MYRIP: variants seen among roughly 807,000 people sequenced by gnomAD.
MYRIP encodes the protein rab effector MyRIP.
In MYRIP, 49 loss-of-function variants were observed where a neutral mutation model predicts 98.0. That is an observed-to-expected ratio of 0.50 (90% CI 0.40 to 0.63). MYRIP has a LOEUF of 0.63. Among genes scored for constraint, MYRIP ranks in the 30% least tolerant of loss-of-function variants. MYRIP has a pLI of 0.00. For missense variants in MYRIP, 1,004 were observed against 1,058.2 expected, an observed-to-expected ratio of 0.95 and a Z score of 0.71; for synonymous variants, 404 against 409.5, an observed-to-expected ratio of 0.99 and a Z score of 0.16.
chr3:39,848,392 G>C (rs1464363397), intron 1 of MYRIP, among the ~76,000 whole-genome samples: 1 of 152,166 alleles, frequency 6.6e-6, no homozygotes, highest in Admixed American at 6.5e-5. Context: ...AGAGTTCTGT[G>C]TTCCCCTTTA....
intron 1 of MYRIP, among the ~76,000 whole-genome samples, chr3:39,835,642 G>A (rs750371052): frequency 5.0e-4 from 76 of 151,970 alleles, no homozygotes; most frequent in Non-Finnish European, 9.0e-4. Context: ...TGTGCAGAAC[G>A]TGCAGGTTTG....
chr3:40,226,565 G>T (rs1358537281), intron 11 of MYRIP, among the ~76,000 whole-genome samples: 1 of 152,118 alleles, frequency 6.6e-6, no homozygotes, highest in Non-Finnish European at 1.5e-5. Context: ...TGAAGCACAG[G>T]TCTCTCCTGC....
At chr3:40,120,679 C>A (rs1248827734) in intron 3 of MYRIP, among the ~76,000 whole-genome samples, 4 of 152,094 alleles carry the variant, frequency 2.6e-5, no homozygotes, top group Admixed American at 6.5e-5. Context: ...GTTCCCAGAT[C>A]ACACAGATTA....
rs546470592 is a variant in MYRIP, at chr3:40,070,107, A to G, written c.332+25836A>G. On this transcript the variant is annotated intron_variant, in intron 3 of 16. Coordinates refer to ENST00000302541, the MANE Select transcript of MYRIP (RefSeq NM_015460.4). Reference sequence around the variant, plus strand: ...CACAATTTCAGACATTGGACCACACATTTATATCTGGGTCCCTTAATGCCC... The same window carrying G: ...CACAATTTCAGACATTGGACCACACGTTTATATCTGGGTCCCTTAATGCCC... Among the ~76,000 whole-genome samples the G allele has an allele frequency of 3.9e-5, 6 of 152,306 alleles. No individual in the cohort carries two copies. In the South Asian group the frequency reaches 8.3e-4, roughly 21 times the overall value.
rs1225748266 is a variant in MYRIP, at chr3:39,984,754, G to A, written c.111-59296G>A. Among the ~76,000 whole-genome samples, 3 of 152,014 alleles carry A rather than the reference G, an allele frequency of 2.0e-5. No individual in the cohort carries two copies. The East Asian group carries it at 5.8e-4, about 29-fold the overall frequency. On this transcript the variant is annotated intron_variant, in intron 2 of 16. Coordinates refer to ENST00000302541, the MANE Select transcript of MYRIP (RefSeq NM_015460.4). ...TGGGTATATACCCAGTAATGGGATT[G>A]CTGGGTCAAATGGTATTTCCAGTTC...
At chr3:40,244,646 G>T in intron 13 of MYRIP, 39 bp downstream of exon 13, 1 of 1,552,606 alleles carries the variant, frequency 6.4e-7, no homozygotes. Context: ...GTCCTGCAGG[G>T]TGAAACAGGG....
chr3:39,975,979 A>G (rs1945740505), intron 2 of MYRIP, among the ~76,000 whole-genome samples: 1 of 152,230 alleles, frequency 6.6e-6, no homozygotes, highest in Non-Finnish European at 1.5e-5. Flanking sequence ...CATTCAGGAC[A>G]TAGGCATGGG....
chr3:40,040,706 A>T (rs1403740408), intron 2 of MYRIP, among the ~76,000 whole-genome samples: 5 of 62,124 alleles, frequency 8.0e-5, no homozygotes, highest in Admixed American at 2.5e-4. Flanking sequence ...GGAAACCATC[A>T]TTCTCAGTAA....
chr3:39,810,992 G>A (rs1159299346), intron 1 of MYRIP, among the ~76,000 whole-genome samples: 3 of 152,282 alleles, frequency 2.0e-5, no homozygotes, highest in African/African-American at 7.2e-5. Context: ...TTACTCAGGG[G>A]AGGAAGACTG....
rs116024834 is a variant in MYRIP at position 39,948,851 on chromosome 3, C to T, written c.110+47925C>T. On this transcript the variant is annotated intron_variant, in intron 2 of 16. Coordinates refer to ENST00000302541, the MANE Select transcript of MYRIP (RefSeq NM_015460.4). ...TAAAAATAAATCTACATATAGACTACTCTTAGTGAAGCTGTGGAACACCGA... is the reference window on the plus strand; with the variant it reads ...TAAAAATAAATCTACATATAGACTATTCTTAGTGAAGCTGTGGAACACCGA... Among the ~76,000 whole-genome samples the T allele has an allele frequency of 5.4e-3, 829 of 152,242 alleles. 8 individuals carry two copies. Among genetic ancestry groups the T allele is most frequent in the Admixed American group, 8.7e-3 (133 of 15,284 alleles).
intron 3 of MYRIP, among the ~76,000 whole-genome samples, chr3:40,095,120 A>G (rs1948801697): frequency 6.6e-6 from 1 of 152,116 alleles, no homozygotes; most frequent in Non-Finnish European, 1.5e-5. Context: ...GTTGGGGGTG[A>G]GGGGAGGCAG....
rs1024040458 is a variant in MYRIP, at chr3:40,166,907, A to G, written c.612A>G (p.Glu204=). The change falls in exon 6 of 17, where the codon GAA becomes GAG. Residue 204 remains glutamate, a synonymous_variant. Coordinates refer to ENST00000302541, the MANE Select transcript of MYRIP (RefSeq NM_015460.4). ...ALRVAEEAIE[E]AISKAEAYGD... is the part of the protein sequence containing the mutation. ...GGGTGGCTGAAGAGGCCATTGAGGA[A>G]GCAATTTCCAAAGCAGAGGCATATG... is the stretch of plus-strand genomic sequence containing the variant. 1.9e-6 allele frequency: 3 copies of G among 1,613,938 alleles called. No individual in the cohort carries two copies. In the African/African-American group the frequency reaches 4.0e-5, roughly 22 times the overall value.
chr3:40,014,700 C>T (rs1487176087), intron 2 of MYRIP, among the ~76,000 whole-genome samples: 5 of 152,146 alleles, frequency 3.3e-5, no homozygotes, highest in African/African-American at 1.2e-4. Flanking sequence ...TCTTACATGT[C>T]GAGTCATTTT....
chr3:40,168,435 C>A (rs1418359570), intron 7 of MYRIP, among the ~76,000 whole-genome samples: 1 of 152,192 alleles, frequency 6.6e-6, no homozygotes, highest in East Asian at 1.9e-4. Flanking sequence ...GAACTCAAAG[C>A]CTATTTTATA....
intron 1 of MYRIP, among the ~76,000 whole-genome samples, chr3:39,822,721 C>T (rs1287271529): frequency 6.6e-6 from 1 of 152,184 alleles, no homozygotes; most frequent in Non-Finnish European, 1.5e-5. Context: ...ATCCTCTGTT[C>T]TACTTTCATT....
intron 2 of MYRIP, among the ~76,000 whole-genome samples, chr3:39,971,274 G>T (rs966306448): frequency 6.6e-6 from 1 of 151,914 alleles, no homozygotes; most frequent in African/African-American, 2.4e-5. Context: ...TTATGTTTTT[G>T]TAAATTTATG....
rs115571776 is a variant in MYRIP, at chr3:40,175,955, G to A, written c.873+5862G>A. On this transcript the variant is annotated intron_variant, in intron 8 of 16. Coordinates refer to ENST00000302541, the MANE Select transcript of MYRIP (RefSeq NM_015460.4). The stretch of plus-strand genomic sequence containing the variant: ...CCTGGGGATGTGCAGCTGCTGCTGA[G>A]GCAAAGAATGTGAGGAACAACCATT... Among the ~76,000 whole-genome samples, 437 of 152,352 alleles carry A rather than the reference G, an allele frequency of 2.9e-3. 1 individual carries two copies. Among genetic ancestry groups the A allele is most frequent in the African/African-American group, 9.9e-3 (413 of 41,584 alleles).
At position 40,259,268 on chromosome 3, in the gene MYRIP, G is replaced by A. The variant is rs1953697059; in HGVS notation, c.*1102G>A. Reference sequence around the variant, plus strand: ...CCCATATCAAATGTATGACTATTTAGAGTGTTTATAAGAGATAATGGAACT... The same window carrying A: ...CCCATATCAAATGTATGACTATTTAAAGTGTTTATAAGAGATAATGGAACT... On this transcript the variant is annotated 3_prime_UTR_variant, in exon 17 of 17. Coordinates refer to ENST00000302541, the MANE Select transcript of MYRIP (RefSeq NM_015460.4). The A allele has an allele frequency of 6.6e-6, 1 of 152,200 alleles. No homozygotes were observed. Among genetic ancestry groups the A allele is most frequent in the Non-Finnish European group, 1.5e-5 (1 of 68,040 alleles). The allele number at this position is 152,200 out of a possible 1,614,324, so 9.4% of individuals were successfully genotyped here.
Position 40,204,196 on chromosome 3 carries a change from T to TAA in MYRIP, c.1666-5657_1666-5656insAA, listed in dbSNP as rs1559452012. On this transcript the variant is annotated intron_variant, in intron 10 of 16. Coordinates refer to ENST00000302541, the MANE Select transcript of MYRIP (RefSeq NM_015460.4). Reference sequence around the variant, plus strand: ...TATATATTATATAATATATAAATATTATATTATATATTTATATATTATATA... The same window carrying TAA: ...TATATATTATATAATATATAAATATTAAATATTATATATTTATATATTATATA... Among the ~76,000 whole-genome samples, 140 of 30,926 alleles carry TAA rather than the reference T, an allele frequency of 4.5e-3. 4 individuals carry two copies. The highest frequency in any genetic ancestry group is 0.011 in the African/African-American group (112 of 10,116). The allele number at this position is 30,926 out of a possible 152,430, so 20.3% of individuals were successfully genotyped here.
Sources: allele counts gnomAD v4.1 joint callset (sites outside exome capture counted in the v4.1 genomes callset), GRCh38; gene constraint gnomAD v4.1.1; transcripts MANE v1.5; gene names NCBI Gene and HGNC (gene_info 2026-07-23, HGNC 2026-07-21).